BCL2: variants seen among roughly 807,000 people sequenced by gnomAD.
The protein encoded by BCL2 is apoptosis regulator Bcl-2.
In BCL2, 1 loss-of-function variant was observed where a neutral mutation model predicts 14.2. The ratio of observed to expected loss-of-function variants is 0.07; its 90% CI spans 0.02 to 0.33. The LOEUF is 0.33. BCL2 is among the 10% of genes least tolerant of loss of function. BCL2 has a pLI of 0.99. For missense variants in BCL2, 247 were observed against 305.9 expected, an observed-to-expected ratio of 0.81 and a Z score of 1.44; for synonymous variants, 151 against 137.2, an observed-to-expected ratio of 1.10 and a Z score of -0.70.
intron 2 of BCL2, among the ~76,000 whole-genome samples, chr18:63,238,703 C>A (rs1164247030): frequency 6.6e-6 from 1 of 152,218 alleles, no homozygotes; most frequent in Non-Finnish European, 1.5e-5. Flanking sequence ...TGATATAATG[C>A]AGCCTCCACA....
chr18:63,253,579 C>T (rs893068191), intron 2 of BCL2, among the ~76,000 whole-genome samples: 1 of 152,116 alleles, frequency 6.6e-6, no homozygotes, highest in African/African-American at 2.4e-5. Flanking sequence ...AAACCTAAGC[C>T]GTTTACAGTA....
At chr18:63,194,303 T>A (rs1207388152) in intron 2 of BCL2, among the ~76,000 whole-genome samples, 1 of 151,988 alleles carries the variant, frequency 6.6e-6, no homozygotes, top group Non-Finnish European at 1.5e-5. Flanking sequence ...ATTGGATATG[T>A]TTTTAATGGA....
chr18:63,308,753 G>GACACAC (rs145547473), intron 2 of BCL2, among the ~76,000 whole-genome samples: 4 of 149,674 alleles, frequency 2.7e-5, no homozygotes, highest in East Asian at 2.0e-4. Flanking sequence ...GGACATTTCA[G>GACACAC]ACACACACAC....
At chr18:63,317,630 A>C in intron 2 of BCL2, 2 of 1,011,214 alleles carry the variant, frequency 2.0e-6, no homozygotes, top group Non-Finnish European at 2.4e-6. Context: ...TTTAGTGTAC[A>C]ACGGGCTTGT....
At chr18:63,263,390 C>T (rs902442924) in intron 2 of BCL2, among the ~76,000 whole-genome samples, 2 of 152,142 alleles carry the variant, frequency 1.3e-5, no homozygotes, top group Non-Finnish European at 2.9e-5. Flanking sequence ...ATTTTTAAAA[C>T]CTGTTTTGTT....
At chr18:63,298,140 T>C (rs1361543883) in intron 2 of BCL2, among the ~76,000 whole-genome samples, 2 of 152,138 alleles carry the variant, frequency 1.3e-5, no homozygotes, top group African/African-American at 2.4e-5. Flanking sequence ...TATGCTGACA[T>C]GAAAATCAGT....
At chr18:63,299,927 ATC>A in intron 2 of BCL2, among the ~76,000 whole-genome samples, 1 of 151,714 alleles carries the variant, frequency 6.6e-6, no homozygotes, top group East Asian at 1.9e-4. Flanking sequence ...ACTGTAATAG[ATC>A]TGTTTGTGTG....
At chr18:63,283,838 A>C (rs1025172064) in intron 2 of BCL2, among the ~76,000 whole-genome samples, 10 of 152,238 alleles carry the variant, frequency 6.6e-5, no homozygotes, top group Admixed American at 2.0e-4. Context: ...GCAAAGACAC[A>C]TTCAAATGTG....
intron 2 of BCL2, among the ~76,000 whole-genome samples, chr18:63,137,995 T>C (rs1033545487): frequency 2.0e-5 from 3 of 152,002 alleles, no homozygotes; most frequent in African/African-American, 7.2e-5. Context: ...GGAGACTCAT[T>C]GGCAATACTA....
intron 2 of BCL2, among the ~76,000 whole-genome samples, chr18:63,274,827 C>T (rs747517300): frequency 6.6e-6 from 1 of 152,064 alleles, no homozygotes; most frequent in African/African-American, 2.4e-5. Flanking sequence ...TCCAAGTATT[C>T]GGTGACCTGA....
intron 2 of BCL2, among the ~76,000 whole-genome samples, chr18:63,193,279 T>A (rs2144653809): frequency 6.6e-6 from 1 of 152,332 alleles, no homozygotes; most frequent in South Asian, 2.1e-4. Context: ...GTTTTAAACA[T>A]GTCCATTAAA....
At chr18:63,183,683 A>G (rs1915528460) in intron 2 of BCL2, among the ~76,000 whole-genome samples, 1 of 152,224 alleles carries the variant, frequency 6.6e-6, no homozygotes, top group Non-Finnish European at 1.5e-5. Flanking sequence ...AGTTCAGAAG[A>G]AAGGAAACAC....
At chr18:63,209,632 G>A (rs1350285187) in intron 2 of BCL2, among the ~76,000 whole-genome samples, 1 of 152,186 alleles carries the variant, frequency 6.6e-6, no homozygotes, top group Non-Finnish European at 1.5e-5. Flanking sequence ...TGGACATACA[G>A]GATGGAAATG....
At chr18:63,159,404 C>T (rs1191916215) in intron 2 of BCL2, among the ~76,000 whole-genome samples, 2 of 152,166 alleles carry the variant, frequency 1.3e-5, no homozygotes, top group Admixed American at 6.5e-5. Context: ...TTTATTTTTC[C>T]TGTTAGGCAA....
At chr18:63,243,557 A>G (rs1911073283) in intron 2 of BCL2, among the ~76,000 whole-genome samples, 1 of 152,212 alleles carries the variant, frequency 6.6e-6, no homozygotes, top group South Asian at 2.1e-4. Flanking sequence ...TAAAAAATTC[A>G]CCAGCATCCC....
intron 2 of BCL2, among the ~76,000 whole-genome samples, chr18:63,205,117 A>G (rs1909800778): frequency 6.6e-6 from 1 of 152,220 alleles, no homozygotes; most frequent in South Asian, 2.1e-4. Context: ...TGAAAAAGGG[A>G]AAAATAAGGC....
chr18:63,291,194 T>G (rs1027134912), intron 2 of BCL2, among the ~76,000 whole-genome samples: 63 of 152,210 alleles, frequency 4.1e-4, no homozygotes, highest in African/African-American at 1.4e-3. Context: ...GGATAAGGTT[T>G]TCACAAGAGT....
chr18:63,259,096 G>A (rs1320217267), intron 2 of BCL2, among the ~76,000 whole-genome samples: 2 of 152,246 alleles, frequency 1.3e-5, no homozygotes, highest in East Asian at 3.8e-4. Flanking sequence ...TCTTCGCACT[G>A]TGGTGCAGGC....
intron 2 of BCL2, among the ~76,000 whole-genome samples, chr18:63,210,016 C>T (rs893383886): frequency 1.3e-5 from 2 of 152,106 alleles, no homozygotes; most frequent in Non-Finnish European, 2.9e-5. Context: ...AAAGAAGAGC[C>T]CCTGGTGTGG....
Sources: gnomAD v4.1 joint callset for allele counts (sites outside exome capture counted in the v4.1 genomes callset) on GRCh38, gnomAD v4.1.1 for gene constraint, MANE v1.5 for transcripts, NCBI Gene and HGNC (gene_info 2026-07-23, HGNC 2026-07-21) for gene names.